DCC: variants seen among roughly 807,000 people sequenced by gnomAD.
The protein encoded by DCC is DCC netrin 1 receptor, also known as netrin receptor DCC.
Under a neutral mutation model 172.5 loss-of-function variants are expected in DCC, and 58 were observed. The observed-to-expected ratio is 0.34, with a 90% CI of 0.27 to 0.42. The LOEUF is 0.42. DCC is among the 10% of genes least tolerant of loss of function. The pLI, the probability that DCC is intolerant of heterozygous loss-of-function variation, is 1.00. For synonymous variants in DCC, 709 were observed against 644.5 expected, an observed-to-expected ratio of 1.10 and a Z score of -1.52; for missense variants, 1,740 against 1,791.0, an observed-to-expected ratio of 0.97 and a Z score of 0.51.
At chr18:53,512,020 GACAAAAAGACAGCAGTA>G (rs953401272) in intron 27 of DCC, among the ~76,000 whole-genome samples, 9 of 152,146 alleles carry the variant, frequency 5.9e-5, no homozygotes, top group Non-Finnish European at 1.0e-4. Context: ...GCAGGGCACA[GACAAAAAGACAGCAGTA>G]ACCTCTGCAG....
At chr18:52,922,585 A>G (rs1390882836) in intron 3 of DCC, among the ~76,000 whole-genome samples, 3 of 152,140 alleles carry the variant, frequency 2.0e-5, no homozygotes, top group African/African-American at 7.2e-5. Flanking sequence ...ATCCCACTGA[A>G]TGAATTTGGT....
At chr18:53,030,006 G>A (rs1007389836) in intron 5 of DCC, among the ~76,000 whole-genome samples, 3 of 152,198 alleles carry the variant, frequency 2.0e-5, no homozygotes, top group African/African-American at 7.2e-5. Flanking sequence ...TCTTCTCAGA[G>A]CAGAAGAGGG....
intron 15 of DCC, among the ~76,000 whole-genome samples, chr18:53,370,412 ACAT>A (rs1463285150): frequency 6.6e-6 from 1 of 151,660 alleles, no homozygotes; most frequent in Admixed American, 6.6e-5. Context: ...GGTTTCATTG[ACAT>A]TCTCCATTTT....
Position 52,906,288 on chromosome 18 carries a change from C to G in DCC, c.657C>G (p.Ser219Arg). Residue 219 changes from serine to arginine, a missense_variant, in exon 3 of 29, where the codon AGC (serine) becomes AGG (arginine). Physicochemically the swap from Ser to Arg is moderately radical, Grantham distance 110. This residue lies in a region of DCC where 1,732 missense variants were observed against 1,767.4 expected (regional missense o/e 0.98). Transcript: ENST00000442544. Reference protein sequence around the residue: ...IYRCSARNPASSRTGNEAEVR... With the variant: ...IYRCSARNPARSRTGNEAEVR... ...GATGCTCAGCTCGAAATCCAGCCAG[C>G]TCAAGAACAGGAAATGAAGCAGAAG... 1 of 1,613,994 alleles carries G rather than the reference C, an allele frequency of 6.2e-7. No individual in the cohort carries two copies. Among genetic ancestry groups the G allele is most frequent in the Non-Finnish European group, 8.5e-7 (1 of 1,180,024 alleles).
intron 8 of DCC, among the ~76,000 whole-genome samples, chr18:53,164,791 T>A (rs1391988718): frequency 6.6e-6 from 1 of 152,216 alleles, no homozygotes; most frequent in Non-Finnish European, 1.5e-5. Flanking sequence ...AGGGTGTTTC[T>A]TAACTCTTAT....
At chr18:52,484,501 T>C (rs900468231) in intron 1 of DCC, among the ~76,000 whole-genome samples, 9 of 152,124 alleles carry the variant, frequency 5.9e-5, no homozygotes, top group Non-Finnish European at 1.0e-4. Context: ...GAAAAATCAA[T>C]GAACTGTGAA....
chr18:53,475,692 G>C (rs1270691720), intron 25 of DCC, among the ~76,000 whole-genome samples: 2 of 152,174 alleles, frequency 1.3e-5, no homozygotes, highest in African/African-American at 4.8e-5. Context: ...CTCTCATGTA[G>C]AACCTCTGCT....
At chr18:52,450,618 T>A (rs1402704324) in intron 1 of DCC, among the ~76,000 whole-genome samples, 1 of 152,202 alleles carries the variant, frequency 6.6e-6, no homozygotes. Context: ...CAGTCCAAAT[T>A]ACATATGATT....
chr18:52,555,994 T>C (rs898030041), intron 1 of DCC, among the ~76,000 whole-genome samples: 10 of 152,166 alleles, frequency 6.6e-5, no homozygotes, highest in African/African-American at 2.4e-4. Flanking sequence ...CTATGGCTCA[T>C]TGAGTCATTA....
chr18:53,413,751 C>T (rs950669604), intron 20 of DCC, among the ~76,000 whole-genome samples: 1 of 152,136 alleles, frequency 6.6e-6, no homozygotes, highest in Non-Finnish European at 1.5e-5. Flanking sequence ...AAAGAATTCT[C>T]ACCTAAATAT....
chr18:52,626,299 C>A (rs986734299), intron 1 of DCC, among the ~76,000 whole-genome samples: 3 of 152,170 alleles, frequency 2.0e-5, no homozygotes, highest in African/African-American at 7.2e-5. Context: ...TGACTTGTGT[C>A]TTCCACACAT....
At chr18:52,389,238 T>C (rs1397709168) in intron 1 of DCC, among the ~76,000 whole-genome samples, 2 of 152,128 alleles carry the variant, frequency 1.3e-5, no homozygotes, top group African/African-American at 4.8e-5. Context: ...TTTTTGGTTG[T>C]CACACTGGGG....
intron 2 of DCC, among the ~76,000 whole-genome samples, chr18:52,795,383 T>C (rs544534783): frequency 6.6e-6 from 1 of 152,166 alleles, no homozygotes; most frequent in Middle Eastern, 3.4e-3. Flanking sequence ...ATGTTTCCTC[T>C]AGATTTTCTA....
At chr18:52,648,890 A>T (rs1598986281) in intron 1 of DCC, among the ~76,000 whole-genome samples, 1 of 152,254 alleles carries the variant, frequency 6.6e-6, no homozygotes, top group East Asian at 1.9e-4. Flanking sequence ...CAATATTCTG[A>T]AAAGGGTGGA....
At chr18:52,608,248 T>C (rs1336003814) in intron 1 of DCC, among the ~76,000 whole-genome samples, 2 of 152,178 alleles carry the variant, frequency 1.3e-5, no homozygotes, top group Admixed American at 6.6e-5. Flanking sequence ...ATGAGCATCA[T>C]GTATGTGCAA....
chr18:53,271,020 A>G (rs2056742287), intron 12 of DCC, among the ~76,000 whole-genome samples: 1 of 152,194 alleles, frequency 6.6e-6, no homozygotes, highest in Non-Finnish European at 1.5e-5. Flanking sequence ...ACAATGGAGC[A>G]TAGCTATTAC....
intron 2 of DCC, among the ~76,000 whole-genome samples, chr18:52,886,992 T>G (rs2039579719): frequency 6.6e-6 from 1 of 152,208 alleles, no homozygotes; most frequent in Non-Finnish European, 1.5e-5. Flanking sequence ...TGCCACTGAC[T>G]GCTTCAAGAT....
At chr18:52,458,030 AC>A (rs1012038230) in intron 1 of DCC, among the ~76,000 whole-genome samples, 4 of 152,200 alleles carry the variant, frequency 2.6e-5, no homozygotes, top group African/African-American at 7.2e-5. Context: ...CACTTCAGCT[AC>A]AGGCGTGGAT....
chr18:52,956,093 C>T (rs886891419), intron 5 of DCC, among the ~76,000 whole-genome samples: 1 of 151,842 alleles, frequency 6.6e-6, no homozygotes, highest in African/African-American at 2.4e-5. Context: ...TCAATGATCT[C>T]TTTCATGGAT....
Sources: allele counts gnomAD v4.1 joint callset (sites outside exome capture counted in the v4.1 genomes callset), GRCh38; gene constraint gnomAD v4.1.1; regional missense constraint gnomAD v4.1.1; transcripts MANE v1.5; gene names NCBI Gene and HGNC (gene_info 2026-07-23, HGNC 2026-07-21).